Variants in ZNF723 observed in about 807,000 individuals in gnomAD.
The protein encoded by ZNF723 is zinc finger protein 723, also known as zinc finger protein 723, pseudogene.
In ZNF723, 5 loss-of-function variants were observed where a neutral mutation model predicts 9.4. That is an observed-to-expected ratio of 0.53 (90% confidence interval 0.28 to 1.12). The LOEUF (loss-of-function observed/expected upper bound fraction) is 1.12, where lower values mean the gene tolerates loss of function less well. ZNF723 is among the 50% of genes most tolerant of loss of function. The pLI, the probability that ZNF723 is intolerant of heterozygous loss-of-function variation, is 0.10. For synonymous variants in ZNF723, 158 were observed against 168.8 expected (o/e 0.94, Z 0.49); for missense variants, 450 against 501.5 (o/e 0.90, Z 0.98).
chr19:22,858,161 C>T lies in ZNF723; in HGVS notation c.1270C>T (p.Pro424Ser), dbSNP rs2145236530. 3 of 1,413,904 alleles carry T rather than the reference C, an allele frequency of 2.1e-6. No homozygotes were observed. The East Asian group carries it at 6.8e-5, about 32-fold the overall frequency. 87.6% of individuals were successfully genotyped at this position (1,413,904 alleles called of 1,614,324 possible). The change falls in exon 4 of 4, where the codon CCT becomes TCT. Residue 424 changes from proline (P) to serine (S), a missense_variant. Pro to Ser is a moderately conservative substitution (Grantham distance 74, BLOSUM62 -1). Coordinates refer to ENST00000600766, the MANE Select transcript of ZNF723 (RefSeq NM_001349726.2). ...THKIIHTGER[P>S]YKCKQCGKGF... ...TAAGATAATTCATACTGGAGAAAGA[C>T]CTTACAAATGTAAACAATGTGGTAA...
the ZNF723 span, among the ~76,000 whole-genome samples, chr19:22,814,220 A>C: frequency 6.6e-6 from 1 of 152,172 alleles, no homozygotes; most frequent in East Asian, 1.9e-4. Context: ...CCTTAGATGC[A>C]CTCATAGGTT....
At chr19:22,818,354 C>A in the ZNF723 span, among the ~76,000 whole-genome samples, 335 of 152,246 alleles carry the variant, frequency 2.2e-3, 5 homozygotes, top group Middle Eastern at 0.044. Flanking sequence ...AGTTGAGGTT[C>A]TAAACCTCAC....
At chr19:22,828,915 G>A (rs1381310430), upstream of ZNF723, among the ~76,000 whole-genome samples, 1 of 152,150 alleles carries the variant, frequency 6.6e-6, no homozygotes, top group African/African-American at 2.4e-5. Flanking sequence ...GCTCACACCT[G>A]TAATACTAAC....
chr19:22,857,124 G>A lies in ZNF723; in HGVS notation c.233G>A (p.Cys78Tyr), dbSNP rs996396961. The A allele has an allele frequency of 4.2e-6, 4 of 957,866 alleles. No individual in the cohort carries two copies. In the Admixed American group the frequency reaches 7.5e-5, roughly 18 times the overall value. The allele number at this position is 957,866 out of a possible 1,614,324, so 59.3% of individuals were successfully genotyped here. A position where few individuals can be genotyped will look rare whatever the true frequency, so the allele number is the denominator to read the frequency against. ...TTATTTCTATTTTTTTCAGTTGTGT[G>A]TTCTCATTTTGCCCAAGACCTTTGG... ...HKMVAKPPVVCSHFAQDLWPE... is the reference protein window; with the variant it reads ...HKMVAKPPVVYSHFAQDLWPE... The change falls in exon 4 of 4, where the codon TGT becomes TAT. Residue 78 changes from cysteine (C) to tyrosine (Y), a missense_variant. By Grantham distance (194) the Cys-to-Tyr change is radical (BLOSUM62 -2). Transcript: ENST00000600766.
the ZNF723 span, among the ~76,000 whole-genome samples, chr19:22,822,870 A>C: frequency 6.6e-6 from 1 of 152,180 alleles, no homozygotes; most frequent in Admixed American, 6.5e-5. Flanking sequence ...TCAAAAAAGA[A>C]AAAAATTGTG....
the ZNF723 span, among the ~76,000 whole-genome samples, chr19:22,815,853 T>C: frequency 0.2 from 31,176 of 152,132 alleles, 3,266 homozygotes; most frequent in African/African-American, 0.28. Context: ...TTCTTGTATG[T>C]GAATCCCATC....
At chr19:22,838,188 C>CAGGT (rs1204976174) in intron 1 of ZNF723, among the ~76,000 whole-genome samples, 1 of 152,198 alleles carries the variant, frequency 6.6e-6, no homozygotes, top group Non-Finnish European at 1.5e-5. Context: ...TCTCCACCCC[C>CAGGT]AGGTAGGCCT....
the ZNF723 span, among the ~76,000 whole-genome samples, chr19:22,820,599 A>G: frequency 4.6e-5 from 7 of 152,192 alleles, no homozygotes; most frequent in East Asian, 5.8e-4. Flanking sequence ...AAACCATCCA[A>G]TAAGAGATAT....
intron 1 of ZNF723, among the ~76,000 whole-genome samples, chr19:22,846,538 G>A (rs1024228636): frequency 2.0e-5 from 3 of 152,064 alleles, no homozygotes; most frequent in Admixed American, 6.6e-5. Context: ...CAGGAGAATC[G>A]CTTGAACCCG....
intron 3 of ZNF723, among the ~76,000 whole-genome samples, chr19:22,851,956 T>A (rs566711858): frequency 2.4e-4 from 37 of 152,112 alleles, no homozygotes; most frequent in African/African-American, 8.4e-4. Flanking sequence ...CTGGCTAATT[T>A]TTTTGTATTT....
At chr19:22,828,689 G>A (rs758930475), upstream of ZNF723, among the ~76,000 whole-genome samples, 11 of 151,884 alleles carry the variant, frequency 7.2e-5, no homozygotes, top group African/African-American at 2.4e-4. Context: ...GGAGGCCATC[G>A]TTCTAAACTG....
the ZNF723 span, among the ~76,000 whole-genome samples, chr19:22,813,755 A>C: frequency 6.6e-6 from 1 of 152,028 alleles, no homozygotes; most frequent in African/African-American, 2.4e-5. Flanking sequence ...ACAAACAAAC[A>C]AACAAAAAAA....
At chr19:22,850,917 A>G (rs1967386850) in intron 3 of ZNF723, among the ~76,000 whole-genome samples, 1 of 152,156 alleles carries the variant, frequency 6.6e-6, no homozygotes. Flanking sequence ...TACATAAAAC[A>G]TCTTAAAGTT....
At chr19:22,819,794 G>T in the ZNF723 span, among the ~76,000 whole-genome samples, 2 of 152,118 alleles carry the variant, frequency 1.3e-5, no homozygotes, top group Non-Finnish European at 2.9e-5. Flanking sequence ...TACTGGATGG[G>T]CTCTGAGCAA....
At chr19:22,835,834 T>C (rs576606527) in intron 1 of ZNF723, among the ~76,000 whole-genome samples, 4 of 152,208 alleles carry the variant, frequency 2.6e-5, no homozygotes, top group Non-Finnish European at 4.4e-5. Flanking sequence ...ATGCTAAATA[T>C]TACAAGATGA....
At chr19:22,850,733 A>G (rs1323362380) in intron 3 of ZNF723, among the ~76,000 whole-genome samples, 1 of 152,064 alleles carries the variant, frequency 6.6e-6, no homozygotes, top group African/African-American at 2.4e-5. Context: ...GTTACTATTA[A>G]GAGTTTATTA....
intron 1 of ZNF723, among the ~76,000 whole-genome samples, chr19:22,844,282 CA>C (rs35493936): frequency 4.0e-5 from 6 of 151,898 alleles, no homozygotes; most frequent in Admixed American, 3.3e-4. Flanking sequence ...ACTAGTCACA[CA>C]AAAAAAATAT....
chr19:22,841,024 T>C (rs1415169034), intron 1 of ZNF723: 1 of 152,344 alleles, frequency 6.6e-6, no homozygotes, highest in Non-Finnish European at 1.5e-5. Context: ...TGTGTGTCAA[T>C]GGCAGATAGT....
chr19:22,819,101 G>A, the ZNF723 span, among the ~76,000 whole-genome samples: 2 of 152,036 alleles, frequency 1.3e-5, no homozygotes, highest in African/African-American at 4.8e-5. Context: ...CATATCACTA[G>A]GCTCAACAGC....
Sources: gnomAD v4.1 joint callset for allele counts (sites outside exome capture counted in the v4.1 genomes callset) on GRCh38, gnomAD v4.1.1 for gene constraint, MANE v1.5 for transcripts, NCBI Gene and HGNC (gene_info 2026-07-23, HGNC 2026-07-21) for gene names.